Variants in BAIAP2L2 observed in about 807,000 individuals in gnomAD.
BAIAP2L2 encodes the protein BAR/IMD domain-containing adapter protein 2-like 2.
BAIAP2L2 carries 65 observed loss-of-function variants against 60.4 expected under a neutral mutation model. The observed-to-expected ratio is 1.08, with a 90% CI of 0.88 to 1.32. The LOEUF (loss-of-function observed/expected upper bound fraction) is 1.32, where lower values mean the gene tolerates loss of function less well. BAIAP2L2 is among the 40% of genes most tolerant of loss of function. The pLI, the probability that BAIAP2L2 is intolerant of heterozygous loss-of-function variation, is 0.00. For missense variants in BAIAP2L2, 836 were observed against 741.2 expected, an observed-to-expected ratio of 1.13 and a Z score of -1.48; for synonymous variants, 344 against 301.7, an observed-to-expected ratio of 1.14 and a Z score of -1.45.
At chr22:38,087,083 C>A (rs775500327) in intron 11 of BAIAP2L2, 41 bp downstream of exon 11, 18 of 1,486,508 alleles carry the variant, frequency 1.2e-5, no homozygotes, top group Non-Finnish European at 1.6e-5. Context: ...ACACCCTTGC[C>A]GGCGTCCTCA....
At chr22:38,093,302 A>G (rs577981656) in intron 7 of BAIAP2L2, among the ~76,000 whole-genome samples, 1 of 152,232 alleles carries the variant, frequency 6.6e-6, no homozygotes, top group Admixed American at 6.5e-5. Flanking sequence ...CGGGCAATGC[A>G]CTTCTTGTAC....
At chr22:38,085,596 GC>G in intron 13 of BAIAP2L2, 89 bp downstream of exon 13, 1 of 1,461,560 alleles carries the variant, frequency 6.8e-7, no homozygotes. Context: ...AGATCCTCCT[GC>G]CCCAGTCTCC....
chr22:38,098,601 T>C, intron 4 of BAIAP2L2, 119 bp from the exon 5 acceptor site: 1 of 679,480 alleles, frequency 1.5e-6, no homozygotes, highest in Non-Finnish European at 2.5e-6. Context: ...ACCAGGCACC[T>C]GCCCACCTGT....
chr22:38,088,674 G>T, intron 10 of BAIAP2L2, 74 bp downstream of exon 10: 1 of 1,438,646 alleles, frequency 7.0e-7, no homozygotes, highest in Non-Finnish European at 9.2e-7. Context: ...CCTCAGTCCG[G>T]CAGGTCCCCG....
chr22:38,108,436 G>C (rs2086714461), intron 2 of BAIAP2L2, 95 bp from the exon 3 acceptor site: 2 of 958,978 alleles, frequency 2.1e-6, no homozygotes, highest in South Asian at 1.6e-5. Context: ...TCTGTCCTGG[G>C]TGGGGTGTGG....
intron 8 of BAIAP2L2, 27 bp from the exon 9 acceptor site, chr22:38,089,258 T>G (rs1051755059): frequency 3.9e-3 from 107 of 27,686 alleles, no homozygotes; most frequent in Admixed American, 0.02. Context: ...CAGGGGAGGG[T>G]GGGGCGGGGG....
chr22:38,105,669 G>A (rs555458689), intron 4 of BAIAP2L2, among the ~76,000 whole-genome samples: 50 of 152,088 alleles, frequency 3.3e-4, no homozygotes, highest in African/African-American at 1.1e-3. Flanking sequence ...GTGTCACCTC[G>A]TCTGTTAAAA....
In BAIAP2L2 at chr22:38,085,082, C is replaced by G. The variant is rs1356035242; in HGVS notation, c.*218G>C. ...GAGCCCCTGGAGGGGGAGAAATTGT[C>G]CTGTCCCCCCATTCCGCCTGCTTTA... On this transcript the variant is annotated 3_prime_UTR_variant, in exon 14 of 14. Transcript: ENST00000381669. 2 of 532,286 alleles carry G rather than the reference C, an allele frequency of 3.8e-6. No homozygotes were observed. The highest frequency in any genetic ancestry group is 4.1e-5 in the South Asian group (2 of 49,124). The allele number at this position is 532,286 out of a possible 1,614,324, so 33.0% of individuals were successfully genotyped here.
intron 1 of BAIAP2L2, among the ~76,000 whole-genome samples, chr22:38,109,753 G>A (rs1034421737): frequency 3.9e-5 from 6 of 151,974 alleles, no homozygotes; most frequent in Non-Finnish European, 7.4e-5. Context: ...TGGTGAAGAC[G>A]GGCCTGGACT....
rs749762840 is a variant in BAIAP2L2 at position 38,109,185 on chromosome 22, G to A, written c.75C>T (p.Pro25=). 65 of 1,612,782 alleles carry A rather than the reference G, an allele frequency of 4.0e-5. No individual in the cohort carries two copies. Among genetic ancestry groups the A allele is most frequent in the Middle Eastern group, 1.6e-4 (1 of 6,072 alleles). The change falls in exon 2 of 14, where the codon CCC becomes CCT. Residue 25 remains proline, a synonymous_variant. Coordinates refer to ENST00000381669, the MANE Select transcript of BAIAP2L2 (RefSeq NM_025045.6). ...IYKSIMEQFN[P]ALENLVYLGN... ...CCAGGTACACCAGGTTCTCCAGGGCGGGGTTAAACTGCTCCATGATGCTCT... is the reference window on the plus strand; with the variant it reads ...CCAGGTACACCAGGTTCTCCAGGGCAGGGTTAAACTGCTCCATGATGCTCT...
At chr22:38,103,389 G>A (rs1343072553) in intron 4 of BAIAP2L2, among the ~76,000 whole-genome samples, 3 of 152,176 alleles carry the variant, frequency 2.0e-5, no homozygotes, top group Non-Finnish European at 4.4e-5. Context: ...TCAAGCCAGT[G>A]GCAATGAGCA....
chr22:38,087,397 A>G (rs1366432654), intron 10 of BAIAP2L2, 133 bp from the exon 11 acceptor site: 33 of 1,070,174 alleles, frequency 3.1e-5, no homozygotes, highest in Non-Finnish European at 5.4e-6. Flanking sequence ...TCAATTCCGT[A>G]TGTTTACTTC....
intron 4 of BAIAP2L2, among the ~76,000 whole-genome samples, chr22:38,101,405 G>C (rs1024426012): frequency 1.6e-5 from 2 of 122,300 alleles, no homozygotes; most frequent in African/African-American, 6.5e-5. Flanking sequence ...AAAAAAGCCA[G>C]ACGTGGTGGT....
chr22:38,086,452 A>G lies in BAIAP2L2; in HGVS notation c.1260-3T>C. 6.7e-7 allele frequency: 1 copy of G among 1,482,200 alleles called. No individual in the cohort carries two copies. 91.8% of individuals were successfully genotyped at this position (1,482,200 alleles called of 1,614,324 possible). A position where few individuals can be genotyped will look rare whatever the true frequency, so the allele number is the denominator to read the frequency against. On this transcript the variant is annotated splice_region_variant and splice_polypyrimidine_tract_variant and intron_variant, in intron 11 of 13. Coordinates refer to ENST00000381669, the MANE Select transcript of BAIAP2L2 (RefSeq NM_025045.6). ...GGCTGCCCCGGAGTGGGTAGGACCT[A>G]AGTCCAGAGAAAGGAGGGGGAAGGA...
chr22:38,110,517 G>A lies in BAIAP2L2; in HGVS notation c.9C>T (p.Pro3=), dbSNP rs762720043. 24 of 1,610,554 alleles carry A rather than the reference G, an allele frequency of 1.5e-5. No individual in the cohort carries two copies. The highest frequency in any genetic ancestry group is 8.4e-5 in the Admixed American group (5 of 59,736). The change falls in exon 1 of 14, where the codon CCC becomes CCT. Residue 3 remains proline, a synonymous_variant. Transcript: ENST00000381669. MA[P]EMDQFYRSTM... is the part of the protein sequence containing the mutation. Reference sequence around the variant, plus strand: ...TGGACCTGTAGAACTGGTCCATCTCGGGGGCCATGGAGGGGCTGTCCCGGG... The same window carrying A: ...TGGACCTGTAGAACTGGTCCATCTCAGGGGCCATGGAGGGGCTGTCCCGGG...
Position 38,089,600 on chromosome 22 carries a change from G to A in BAIAP2L2, c.687C>T (p.Ala229=). 1 of 1,234,520 alleles carries A rather than the reference G, an allele frequency of 8.1e-7. No homozygotes were observed. Among genetic ancestry groups the A allele is most frequent in the Non-Finnish European group, 1.0e-6 (1 of 990,590 alleles). The allele number at this position is 1,234,520 out of a possible 1,614,324, so 76.5% of individuals were successfully genotyped here. A position where few individuals can be genotyped will look rare whatever the true frequency, so the allele number is the denominator to read the frequency against. Residue 229 remains alanine (A), a synonymous_variant, in exon 8 of 14, where the codon GCC becomes GCT. Coordinates refer to ENST00000381669, the MANE Select transcript of BAIAP2L2 (RefSeq NM_025045.6). ...CGGGGCCCAGCAGGCCGGGGGAGTG[G>A]GCGCGCGACGGGCTGCGGCTGGCCT... is the stretch of plus-strand genomic sequence containing the variant. The part of the protein sequence containing the change: ...QSEASRSPSR[A]HSPGLLGPAL...
At chr22:38,104,139 G>A (rs568336942) in intron 4 of BAIAP2L2, among the ~76,000 whole-genome samples, 14 of 152,272 alleles carry the variant, frequency 9.2e-5, no homozygotes, top group African/African-American at 2.6e-4. Flanking sequence ...CATATGAAAC[G>A]TGCCAGTGGG....
Position 38,110,475 on chromosome 22 carries a change from C to T in BAIAP2L2, c.51G>A (p.Lys17=), listed in dbSNP as rs2086821696. The change falls in exon 1 of 14, where the codon AAG becomes AAA. Residue 17 remains lysine (K), a splice_region_variant and synonymous_variant. Transcript: ENST00000381669. The part of the protein sequence containing the change: ...QFYRSTMAIY[K]SIMEQFNPAL... ...CTGGCTTGGCCACCCATGTGCTCAC[C>T]TTGTAGATGGCCATGGTGGACCTGT... 1 of 1,612,076 alleles carries T rather than the reference C, an allele frequency of 6.2e-7. No individual in the cohort carries two copies. Among genetic ancestry groups the T allele is most frequent in the East Asian group, 2.2e-5 (1 of 44,778 alleles).
chr22:38,108,419 G>A (rs1602035711), intron 2 of BAIAP2L2, 78 bp from the exon 3 acceptor site: 1 of 1,149,378 alleles, frequency 8.7e-7, no homozygotes. Flanking sequence ...ATCTGGAGGG[G>A]ACTGTGTCTG....
Sources: allele counts gnomAD v4.1 joint callset (sites outside exome capture counted in the v4.1 genomes callset), GRCh38; gene constraint gnomAD v4.1.1; transcripts MANE v1.5; gene names NCBI Gene and HGNC (gene_info 2026-07-23, HGNC 2026-07-21).